Variants in OGFOD2 observed in about 807,000 individuals in gnomAD.
OGFOD2 encodes the protein 2-oxoglutarate and iron-dependent oxygenase domain-containing protein 2.
OGFOD2 carries 34 observed loss-of-function variants against 31.1 expected under a neutral mutation model. That is an observed-to-expected ratio of 1.09 (90% CI 0.83 to 1.45). The LOEUF (loss-of-function observed/expected upper bound fraction) is 1.45, where lower values mean the gene tolerates loss of function less well. Among genes scored for constraint, OGFOD2 ranks in the 40% most tolerant of loss-of-function variants. The pLI, the probability that OGFOD2 is intolerant of heterozygous loss-of-function variation, is 0.00. For synonymous variants in OGFOD2, 240 were observed against 192.3 expected, an observed-to-expected ratio of 1.25 and a Z score of -2.05; for missense variants, 537 against 433.9, an observed-to-expected ratio of 1.24 and a Z score of -2.11.
chr12:122,975,010 T>C (rs1179986223), upstream of OGFOD2: 3 of 405,778 alleles, frequency 7.4e-6, no homozygotes, highest in Non-Finnish European at 1.3e-5. Flanking sequence ...GTCTGTAAAG[T>C]GGAGCCATTA....
chr12:122,979,298 C>T (rs1285176977), exon 7 of OGFOD2: 1 of 1,612,684 alleles, frequency 6.2e-7, no homozygotes, highest in Admixed American at 1.7e-5. Context: ...TCGGTGATGG[C>T]TTCACCCGAG....
At chr12:122,979,049 G>A (rs910168021) in intron 6 of OGFOD2, 34 bp from the exon 7 acceptor site, 2 of 1,604,546 alleles carry the variant, frequency 1.2e-6, no homozygotes, top group Admixed American at 1.7e-5. Context: ...TGGGGCAGCT[G>A]TGAGTGCCCA....
At position 122,976,073 on chromosome 12, in the gene OGFOD2, C is replaced by T. The variant is rs974512547; in HGVS notation, c.189+206C>T. ...GGGAAATGCTAAGTTGCTAAGTTGC[C>T]TAGTCATGCCGTTCTTAACAGCTCT... is the stretch of plus-strand genomic sequence containing the variant. On this transcript the variant is annotated intron_variant, in intron 2 of 6. Coordinates refer to ENST00000228922, the Ensembl canonical transcript of OGFOD2. 7 of 598,336 alleles carry T rather than the reference C, an allele frequency of 1.2e-5. No individual in the cohort carries two copies. In the East Asian group the frequency reaches 1.4e-4, roughly 12 times the overall value. 37.1% of individuals were successfully genotyped at this position (598,336 alleles called of 1,614,324 possible).
At chr12:122,975,096 TTC>T (rs1420220310), upstream of OGFOD2, 1 of 497,732 alleles carries the variant, frequency 2.0e-6, no homozygotes, top group Non-Finnish European at 3.6e-6. Context: ...AGGAGCATCT[TTC>T]TCCGCAGACC....
chr12:122,976,178 C>T, intron 2 of OGFOD2: 3 of 596,696 alleles, frequency 5.0e-6, no homozygotes, highest in Non-Finnish European at 9.0e-6. Flanking sequence ...CAAGCTTTTA[C>T]AGCAGGAGCA....
At chr12:122,978,886 T>A (rs762640044) in exon 6 of OGFOD2, 1 of 1,612,512 alleles carries the variant, frequency 6.2e-7, no homozygotes, top group Non-Finnish European at 8.5e-7. Flanking sequence ...GCCTTTGTGG[T>A]CAAATACGCA....
chr12:122,978,686 C>T, intron 5 of OGFOD2, 67 bp from the exon 6 acceptor site: 1 of 1,587,056 alleles, frequency 6.3e-7, no homozygotes, highest in Non-Finnish European at 8.6e-7. Flanking sequence ...AGTGGGATCA[C>T]CGTGGAGTGG....
chr12:122,976,040 G>A (rs1566209513), intron 2 of OGFOD2, 173 bp downstream of exon 2: 1 of 603,856 alleles, frequency 1.7e-6, no homozygotes, highest in Non-Finnish European at 3.0e-6. Context: ...GGCACCAGGA[G>A]AGAGAAGGGG....
upstream of OGFOD2, chr12:122,975,077 A>T: frequency 2.1e-6 from 1 of 484,984 alleles, no homozygotes; most frequent in Non-Finnish European, 3.7e-6. Flanking sequence ...GCCGGTCCCA[A>T]CCCGGCCCAG....
exon 7 of OGFOD2, chr12:122,979,383 G>T (rs764991120): frequency 4.5e-6 from 7 of 1,566,632 alleles, no homozygotes. Flanking sequence ...GCAGGCAGGT[G>T]AGGGCTCCGT....
upstream of OGFOD2, chr12:122,975,058 G>C (rs2037366636): frequency 2.1e-6 from 1 of 465,906 alleles, no homozygotes; most frequent in Non-Finnish European, 3.9e-6. Context: ...GAGGCGGAAC[G>C]AGGAGGCCGC....
At chr12:122,979,623 C>T in exon 7 of OGFOD2, 1 of 488,314 alleles carries the variant, frequency 2.0e-6, no homozygotes, top group Non-Finnish European at 3.7e-6. Context: ...CAGCTGGCCC[C>T]ACGGAGAGCT....
At chr12:122,979,935 T>C in exon 7 of OGFOD2, 1 of 336,224 alleles carries the variant, frequency 3.0e-6, no homozygotes, top group Non-Finnish European at 5.3e-6. Flanking sequence ...CTGTGTGGCT[T>C]TAGGTGAGCC....
At chr12:122,978,796 C>A in exon 6 of OGFOD2, 1 of 1,612,160 alleles carries the variant, frequency 6.2e-7, no homozygotes, top group Non-Finnish European at 8.5e-7. Flanking sequence ...CTGATGACAC[C>A]ACTGCGGGAG....
At chr12:122,977,154 T>G (rs2037459783) in intron 4 of OGFOD2, 184 bp downstream of exon 4, 1 of 661,190 alleles carries the variant, frequency 1.5e-6, no homozygotes, top group Admixed American at 2.2e-5. Context: ...ATTCAATACC[T>G]GCCATGAGCC....
intron 4 of OGFOD2, chr12:122,977,388 G>C: frequency 3.5e-6 from 1 of 284,940 alleles, no homozygotes; most frequent in Non-Finnish European, 6.9e-6. Context: ...ACCTGGAGTT[G>C]TGGCTCTGGG....
exon 3 of OGFOD2, chr12:122,976,688 G>T (rs1413341914): frequency 1.9e-6 from 3 of 1,613,310 alleles, no homozygotes; most frequent in African/African-American, 2.7e-5. Flanking sequence ...CAGCGGCTGG[G>T]GCAGGAGTCA....
At chr12:122,977,075 A>G (rs777251945) in intron 4 of OGFOD2, 105 bp downstream of exon 4, 3 of 1,092,732 alleles carry the variant, frequency 2.7e-6, no homozygotes, top group Admixed American at 3.9e-5. Context: ...GCCTCCAAAA[A>G]CCAAACCAGC....
At chr12:122,976,604 C>T (rs370482726) in intron 2 of OGFOD2, 50 bp from the exon 3 acceptor site, 33 of 1,386,768 alleles carry the variant, frequency 2.4e-5, no homozygotes, top group African/African-American at 4.2e-5. Flanking sequence ...TGTACAGTGG[C>T]CTCAGGAGGA....
Sources: gnomAD v4.1 joint callset for allele counts on GRCh38, gnomAD v4.1.1 for gene constraint, MANE v1.5 for transcripts, NCBI Gene and HGNC (gene_info 2026-07-23, HGNC 2026-07-21) for gene names.